The following BUD13 variants were observed in gnomAD, a reference collection of about 807,000 sequenced individuals.
BUD13 encodes BUD13 homolog.
A neutral mutation model predicts 62.5 loss-of-function variants in BUD13; 47 were observed. The observed-to-expected ratio is 0.75, with a 90% CI of 0.60 to 0.96. The LOEUF (loss-of-function observed/expected upper bound fraction) is 0.96, where lower values mean the gene tolerates loss of function less well. Ranked by LOEUF, BUD13 falls within the 40% of genes least tolerant of loss-of-function variation. BUD13 has a pLI of 0.00. For synonymous variants in BUD13, 293 were observed against 280.1 expected (o/e 1.05, Z -0.46); for missense variants, 821 against 790.9 (o/e 1.04, Z -0.46).
intron 8 of BUD13, 151 bp from the exon 9 acceptor site, chr11:116,757,378 C>T (rs1197508695): frequency 1.0e-5 from 7 of 700,818 alleles, no homozygotes; most frequent in Non-Finnish European, 1.7e-5. Context: ...TCACTGCAAC[C>T]TCTGCCTCCT....
chr11:116,767,590 CAAAAA>C (rs57036085), intron 2 of BUD13, among the ~76,000 whole-genome samples: 3 of 80,692 alleles, frequency 3.7e-5, no homozygotes, highest in Non-Finnish European at 2.3e-5. Context: ...GAGACTCCAC[CAAAAA>C]AAAAAAAAAA....
chr11:116,748,717 G>A (rs918792477), intron 9 of BUD13, 142 bp from the exon 10 acceptor site: 28 of 859,952 alleles, frequency 3.3e-5, no homozygotes, highest in Non-Finnish European at 4.5e-5. Context: ...GCCGGGCACG[G>A]CGGCTCACGC....
chr11:116,772,305 T>C (rs924606211), intron 1 of BUD13, among the ~76,000 whole-genome samples: 23 of 152,238 alleles, frequency 1.5e-4, no homozygotes, highest in Admixed American at 2.0e-4. Flanking sequence ...AATAAACTTA[T>C]ATATGTTTAA....
chr11:116,768,248 TAACAG>T (rs1288475516), intron 2 of BUD13, among the ~76,000 whole-genome samples: 1 of 152,108 alleles, frequency 6.6e-6, no homozygotes, highest in African/African-American at 2.4e-5. Context: ...ATGTATCCAG[TAACAG>T]AACAGATAAA....
chr11:116,767,590 CA>C (rs57036085), intron 2 of BUD13, among the ~76,000 whole-genome samples: 25,568 of 80,714 alleles, frequency 0.32, 1,904 homozygotes, highest in Non-Finnish European at 0.38. Flanking sequence ...GAGACTCCAC[CA>C]AAAAAAAAAA....
chr11:116,759,939 T>C (rs958841530), intron 5 of BUD13, among the ~76,000 whole-genome samples: 7 of 152,206 alleles, frequency 4.6e-5, no homozygotes, highest in Admixed American at 3.9e-4. Context: ...ACAGGCTCTA[T>C]CATTCTGTTT....
intron 4 of BUD13, 43 bp downstream of exon 4, chr11:116,762,510 C>T: frequency 6.9e-7 from 1 of 1,442,232 alleles, no homozygotes; most frequent in Non-Finnish European, 9.4e-7. Context: ...AAGAAAGCTC[C>T]CAGGGATACA....
chr11:116,770,083 G>C, intron 2 of BUD13, 46 bp downstream of exon 2: 2 of 1,228,270 alleles, frequency 1.6e-6, no homozygotes, highest in Non-Finnish European at 2.3e-6. Context: ...AGGAAATTGA[G>C]AAGCTTGCTT....
At position 116,758,403 on chromosome 11, in the gene BUD13, T is replaced by C. The variant is rs1359784581; in HGVS notation, c.1365A>G (p.Glu455=). The change falls in exon 7 of 10, where the codon GAA becomes GAG. Residue 455 remains glutamate, a synonymous_variant. Coordinates refer to ENST00000260210, the MANE Select transcript of BUD13 (RefSeq NM_032725.4). The part of the protein sequence containing the change: ...QDQETMAFEA[E]FQYAETVFRD... ...GAAATACGGTTTCAGCATATTGAAA[T>C]TCAGCTGCAAAGGAAAATTATACTC... The C allele has an allele frequency of 4.3e-6, 7 of 1,613,662 alleles. No individual in the cohort carries two copies. The highest frequency in any genetic ancestry group is 5.9e-6 in the Non-Finnish European group (7 of 1,179,948).
At chr11:116,761,852 C>T (rs935436658) in intron 4 of BUD13, among the ~76,000 whole-genome samples, 4 of 152,174 alleles carry the variant, frequency 2.6e-5, no homozygotes, top group Admixed American at 2.0e-4. Flanking sequence ...GTCTTTAAAA[C>T]GCCCACATCT....
intron 2 of BUD13, among the ~76,000 whole-genome samples, chr11:116,766,211 T>C (rs1331467348): frequency 6.6e-6 from 1 of 152,246 alleles, no homozygotes; most frequent in East Asian, 1.9e-4. Flanking sequence ...ATTGCTGGCA[T>C]AATAAATCCT....
intron 1 of BUD13, among the ~76,000 whole-genome samples, chr11:116,770,938 CATG>C (rs912488122): frequency 6.6e-6 from 1 of 152,112 alleles, no homozygotes; most frequent in African/African-American, 2.4e-5. Flanking sequence ...GGACTACAGG[CATG>C]TGCCACTGTG....
intron 9 of BUD13, among the ~76,000 whole-genome samples, chr11:116,751,521 G>A (rs1024337135): frequency 2.0e-5 from 3 of 152,054 alleles, no homozygotes; most frequent in Non-Finnish European, 4.4e-5. Context: ...CCAGCTACTC[G>A]GGAGGCTGAG....
At position 116,757,955 on chromosome 11, in the gene BUD13, G is replaced by A; in HGVS notation, c.1500-5C>T. On this transcript the variant is annotated splice_region_variant and splice_polypyrimidine_tract_variant and intron_variant, in intron 7 of 9. Transcript: ENST00000260210. ...TGTTGCCGGCTCTGGGCAAGCCTGG[G>A]CAAAAAGGAACCAAGAGTGTTTGCT... 2.5e-6 allele frequency: 4 copies of A among 1,611,784 alleles called. No individual in the cohort carries two copies. Among genetic ancestry groups the A allele is most frequent in the Non-Finnish European group, 3.4e-6 (4 of 1,179,452 alleles).
intron 2 of BUD13, among the ~76,000 whole-genome samples, chr11:116,766,670 A>C (rs1940534153): frequency 6.6e-6 from 1 of 152,278 alleles, no homozygotes; most frequent in Admixed American, 6.5e-5. Context: ...CATGCTTGGT[A>C]CATGATAAAT....
At chr11:116,767,909 G>A (rs1334997680) in intron 2 of BUD13, among the ~76,000 whole-genome samples, 1 of 151,114 alleles carries the variant, frequency 6.6e-6, no homozygotes, top group Non-Finnish European at 1.5e-5. Flanking sequence ...GAAGGTAGAG[G>A]CTACAATGGG....
chr11:116,752,951 C>G (rs559923536), intron 9 of BUD13, among the ~76,000 whole-genome samples: 1 of 152,052 alleles, frequency 6.6e-6, no homozygotes, highest in African/African-American at 2.4e-5. Flanking sequence ...GACGGCACCC[C>G]GAGGGACAGA....
At chr11:116,765,298 T>G in intron 3 of BUD13, 64 bp downstream of exon 3, 1 of 1,529,584 alleles carries the variant, frequency 6.5e-7, no homozygotes, top group East Asian at 2.2e-5. Flanking sequence ...AAGAAAAGTA[T>G]AGAAAAGGAA....
Position 116,756,905 on chromosome 11 carries a change from C to G in BUD13, c.1766+241G>C, listed in dbSNP as rs565643766. Reference sequence around the variant, plus strand: ...AACCAATGTCCAAAACAAAGGGTGTCTTATCTGAACCACCTGAGGTGTTTG... The same window carrying G: ...AACCAATGTCCAAAACAAAGGGTGTGTTATCTGAACCACCTGAGGTGTTTG... On this transcript the variant is annotated intron_variant, in intron 9 of 9. Coordinates refer to ENST00000260210, the MANE Select transcript of BUD13 (RefSeq NM_032725.4). Among the ~76,000 whole-genome samples the G allele has an allele frequency of 3.3e-5, 5 of 152,254 alleles. No homozygotes were observed. In the East Asian group the frequency reaches 5.8e-4, roughly 18 times the overall value.
Sources: allele counts gnomAD v4.1 joint callset (sites outside exome capture counted in the v4.1 genomes callset), GRCh38; gene constraint gnomAD v4.1.1; transcripts MANE v1.5; gene names NCBI Gene and HGNC (gene_info 2026-07-23, HGNC 2026-07-21).